The following ZC3H18 variants were observed in gnomAD, a reference collection of about 807,000 sequenced individuals.
ZC3H18 encodes zinc finger CCCH domain-containing protein 18.
Under a neutral mutation model 106.1 loss-of-function variants are expected in ZC3H18, and 8 were observed. That is an observed-to-expected ratio of 0.08 (90% CI 0.04 to 0.14). The LOEUF is 0.14. Among genes scored for constraint, ZC3H18 ranks in the 10% least tolerant of loss-of-function variants. ZC3H18 has a pLI of 1.00. For missense variants in ZC3H18, 1,318 were observed against 1,278.4 expected (o/e 1.03, Z -0.47); for synonymous variants, 635 against 522.1 (o/e 1.22, Z -2.95).
At chr16:88,605,879 T>C (rs1904987669) in intron 6 of ZC3H18, among the ~76,000 whole-genome samples, 1 of 152,232 alleles carries the variant, frequency 6.6e-6, no homozygotes, top group Non-Finnish European at 1.5e-5. Flanking sequence ...TGGTTCCCCT[T>C]AGCCAGGACC....
chr16:88,583,668 C>T (rs1270517871), intron 2 of ZC3H18, among the ~76,000 whole-genome samples: 1 of 152,226 alleles, frequency 6.6e-6, no homozygotes, highest in African/African-American at 2.4e-5. Context: ...GGTGAGAAAG[C>T]ACCAGCAGGA....
Position 88,627,995 on chromosome 16 carries a change from C to T in ZC3H18, c.2345C>T (p.Ala782Val). 1 of 1,614,204 alleles carries T rather than the reference C, an allele frequency of 6.2e-7. No individual in the cohort carries two copies. The highest frequency in any genetic ancestry group is 8.5e-7 in the Non-Finnish European group (1 of 1,180,042). The change falls in exon 15 of 18, where the codon GCA becomes GTA. Residue 782 changes from alanine (A) to valine (V), a missense_variant. By Grantham distance (64) the Ala-to-Val change is moderately conservative (BLOSUM62 0). Coordinates refer to ENST00000301011, the MANE Select transcript of ZC3H18 (RefSeq NM_144604.4). This position sits in a 1 kb window ranked among gnomAD's most constrained non-coding sequence, Gnocchi z 4.5. The part of the protein sequence containing the change: ...RDSSTQPPKS[A>V]KPPAGGKSSQ... ...TCGTCCACACAACCACCCAAATCTG[C>T]AAAACCTCCAGCAGGGGGGAAGTCC...
chr16:88,599,866 G>A lies in ZC3H18; in HGVS notation c.1006G>A (p.Glu336Lys). 3.1e-6 allele frequency: 5 copies of A among 1,614,224 alleles called. No individual in the cohort carries two copies. Among genetic ancestry groups the A allele is most frequent in the Non-Finnish European group, 4.2e-6 (5 of 1,180,044 alleles). ...GAAAAGGTTTACGGTGACCATTGGC[G>A]AAGACGAACGGGAATTTGACAAAGA... ...EEKRFTVTIGEDEREFDKENE... is the reference protein window; with the variant it reads ...EEKRFTVTIGKDEREFDKENE... The change falls in exon 6 of 18, where the codon GAA becomes AAA. Residue 336 changes from glutamate to lysine, a missense_variant. Physicochemically the swap from Glu to Lys is moderately conservative, Grantham distance 56. Coordinates refer to ENST00000301011, the MANE Select transcript of ZC3H18 (RefSeq NM_144604.4).
At chr16:88,576,369 C>G (rs1303787039) in intron 1 of ZC3H18, among the ~76,000 whole-genome samples, 1 of 152,164 alleles carries the variant, frequency 6.6e-6, no homozygotes, top group Non-Finnish European at 1.5e-5. Flanking sequence ...ACGCGCGGTA[C>G]TTAAGTGTGT....
At chr16:88,624,296 G>A in intron 11 of ZC3H18, 1 of 671,478 alleles carries the variant, frequency 1.5e-6, no homozygotes, top group South Asian at 1.9e-5. Flanking sequence ...GCACAGCCCT[G>A]GGGACACGGC....
At chr16:88,573,536 A>C (rs1241352883) in intron 1 of ZC3H18, among the ~76,000 whole-genome samples, 1 of 151,982 alleles carries the variant, frequency 6.6e-6, no homozygotes, top group Admixed American at 6.6e-5. Flanking sequence ...TTTGGGGATC[A>C]GCTCCTTGAC....
At chr16:88,622,426 C>A (rs780708933) in intron 9 of ZC3H18, 38 bp downstream of exon 9, 1 of 1,547,136 alleles carries the variant, frequency 6.5e-7, no homozygotes, top group Non-Finnish European at 8.8e-7. Context: ...GTGTCAGCAC[C>A]TTGGAGCCGT....
chr16:88,611,147 G>T, intron 7 of ZC3H18, 121 bp from the exon 8 acceptor site: 1 of 682,014 alleles, frequency 1.5e-6, no homozygotes, highest in Middle Eastern at 2.6e-4. Context: ...GTGTAGGTTT[G>T]TGGGGTACAG....
intron 6 of ZC3H18, among the ~76,000 whole-genome samples, chr16:88,608,213 G>T (rs552853606): frequency 1.6e-3 from 238 of 152,310 alleles, no homozygotes; most frequent in Non-Finnish European, 2.9e-3. Context: ...CAGTCAGGGG[G>T]TGCCTCCACA....
chr16:88,594,987 A>C (rs555625823), intron 3 of ZC3H18, among the ~76,000 whole-genome samples: 1 of 152,190 alleles, frequency 6.6e-6, no homozygotes, highest in African/African-American at 2.4e-5. Context: ...CCTCGTTTCT[A>C]CTAAAAATAC....
chr16:88,575,454 A>T (rs1289981349), intron 1 of ZC3H18, among the ~76,000 whole-genome samples: 1 of 151,962 alleles, frequency 6.6e-6, no homozygotes, highest in Non-Finnish European at 1.5e-5. Context: ...GTGACCGCTG[A>T]CCTGGCACTG....
intron 8 of ZC3H18, among the ~76,000 whole-genome samples, chr16:88,620,850 A>G (rs961191288): frequency 6.6e-6 from 1 of 151,972 alleles, no homozygotes; most frequent in African/African-American, 2.4e-5. Flanking sequence ...TCAGTTTAAT[A>G]TCATTTGTGT....
Position 88,575,609 on chromosome 16 carries a change from C to T in ZC3H18, c.-14-1501C>T, listed in dbSNP as rs147693030. On this transcript the variant is annotated intron_variant, in intron 1 of 17. Transcript: ENST00000301011. The stretch of plus-strand genomic sequence containing the variant: ...CTTTTAAAGCATGGGTAGCAGTGTA[C>T]TTTCTATGAGTTTTTGAGGAGGGAA... Among the ~76,000 whole-genome samples the T allele has an allele frequency of 2.9e-3, 444 of 152,178 alleles. 8 individuals carry two copies. The highest frequency in any genetic ancestry group is 0.025 in the Admixed American group (377 of 15,288).
Position 88,624,705 on chromosome 16 carries a change from G to A in ZC3H18, c.2002G>A (p.Ala668Thr), listed in dbSNP as rs750740490. ...CACCAAGCCAGGAGACCCTCGGGAA[G>A]CCAGGAGGAAGGAGCGGCCAGCCAG... ...EPTKPGDPRE[A>T]RRKERPARTP... The change falls in exon 12 of 18, where the codon GCC becomes ACC. Residue 668 changes from alanine (A) to threonine (T), a missense_variant. Coordinates refer to ENST00000301011, the MANE Select transcript of ZC3H18 (RefSeq NM_144604.4). The A allele has an allele frequency of 7.4e-6, 12 of 1,613,646 alleles. No individual in the cohort carries two copies. The highest frequency in any genetic ancestry group is 1.1e-5 in the South Asian group (1 of 91,072).
intron 11 of ZC3H18, 125 bp from the exon 12 acceptor site, chr16:88,624,477 C>CA (rs1906169427): frequency 3.4e-6 from 5 of 1,454,012 alleles, no homozygotes; most frequent in Non-Finnish European, 4.7e-6. Context: ...CAGGCACGAG[C>CA]GTGCTCACCG....
intron 3 of ZC3H18, among the ~76,000 whole-genome samples, chr16:88,590,933 C>T (rs901514538): frequency 6.6e-6 from 1 of 150,442 alleles, no homozygotes; most frequent in Non-Finnish European, 1.5e-5. Context: ...ATCTCCTTGG[C>T]TGTGCTCCCC....
chr16:88,625,494 A>C (rs1906247555), intron 13 of ZC3H18: 2 of 575,074 alleles, frequency 3.5e-6, no homozygotes, highest in South Asian at 4.0e-5. Context: ...AAAGATTCAC[A>C]AACTCGGGGG....
chr16:88,613,357 A>G (rs1048337321), intron 8 of ZC3H18, among the ~76,000 whole-genome samples: 2 of 152,174 alleles, frequency 1.3e-5, no homozygotes, highest in African/African-American at 4.8e-5. Context: ...TCTTGAGCAT[A>G]TACCTCAGTG....
chr16:88,572,569 T>G (rs1315463568), intron 1 of ZC3H18, among the ~76,000 whole-genome samples: 1 of 152,076 alleles, frequency 6.6e-6, no homozygotes, highest in Non-Finnish European at 1.5e-5. Context: ...TTCACCCATC[T>G]GGTGGATCAG....
Sources: allele counts gnomAD v4.1 joint callset (sites outside exome capture counted in the v4.1 genomes callset), GRCh38; gene constraint gnomAD v4.1.1; non-coding constraint Gnocchi (gnomAD v3.1); transcripts MANE v1.5; gene names NCBI Gene and HGNC (gene_info 2026-07-23, HGNC 2026-07-21).